Variants in IMPG2 observed in about 807,000 individuals in gnomAD.
IMPG2 encodes IPM 200.
In IMPG2, 91 loss-of-function variants were observed where a neutral mutation model predicts 129.2. The observed-to-expected ratio is 0.70, with a 90% CI of 0.59 to 0.84. IMPG2 has a LOEUF of 0.84. Ranked by LOEUF, IMPG2 falls within the 40% of genes least tolerant of loss-of-function variation. The probability of loss-of-function intolerance (pLI) is 0.00; values close to 1 mark genes in which losing one functional copy is unlikely to be tolerated. For synonymous variants in IMPG2, 510 were observed against 517.7 expected (o/e 0.99, Z 0.20); for missense variants, 1,430 against 1,461.7 (o/e 0.98, Z 0.35).
At chr3:101,240,539 T>A (rs993961153) in intron 14 of IMPG2, among the ~76,000 whole-genome samples, 1 of 152,202 alleles carries the variant, frequency 6.6e-6, no homozygotes, top group Admixed American at 6.5e-5. Context: ...CTTAGAATAG[T>A]CTCATAAAAT....
chr3:101,302,888 T>C (rs1707153055), intron 3 of IMPG2, among the ~76,000 whole-genome samples: 1 of 152,166 alleles, frequency 6.6e-6, no homozygotes, highest in South Asian at 2.1e-4. Context: ...TTGTCTTTGG[T>C]CCACCCACGT....
rs768016573 is a variant in IMPG2 at position 101,243,700 on chromosome 3, C to A, written c.2631G>T (p.Met877Ile). 6.2e-7 allele frequency: 1 copy of A among 1,613,988 alleles called. No homozygotes were observed. The highest frequency in any genetic ancestry group is 8.5e-7 in the Non-Finnish European group (1 of 1,180,008). Residue 877 changes from methionine (M) to isoleucine (I), a missense_variant, in exon 13 of 19, where the codon ATG becomes ATT. Transcript: ENST00000193391. ...EMSTSVHSTE[M>I]VSVAWPTEGG... The stretch of plus-strand genomic sequence containing the variant: ...CTTCTGTGGGCCAAGCCACACTAAC[C>A]ATCTCTGTGGAGTGAACACTTGTTG...
At chr3:101,276,320 G>A (rs114337613) in intron 5 of IMPG2, among the ~76,000 whole-genome samples, 1,894 of 152,144 alleles carry the variant, frequency 0.012, 43 homozygotes, top group African/African-American at 0.043. Flanking sequence ...ACCTCTCATG[G>A]GACGAATGAC....
chr3:101,306,408 A>C (rs764351419), intron 2 of IMPG2, among the ~76,000 whole-genome samples: 3 of 152,208 alleles, frequency 2.0e-5, no homozygotes, highest in Non-Finnish European at 4.4e-5. Context: ...TTTGTCTTTT[A>C]GTGAACTACC....
At chr3:101,279,637 G>C (rs931599597) in intron 4 of IMPG2, among the ~76,000 whole-genome samples, 8 of 152,166 alleles carry the variant, frequency 5.3e-5, no homozygotes, top group Non-Finnish European at 1.0e-4. Context: ...ACAGCAACTC[G>C]AATAGGATGT....
rs371611480 is a variant in IMPG2 at position 101,242,777 on chromosome 3, G to A, written c.2933C>T (p.Ala978Val). Residue 978 changes from alanine to valine, a missense_variant, in exon 14 of 19, where the codon GCG (alanine) becomes GTG (valine). Transcript: ENST00000193391. ...AAAGTCTTCCAGAATCATGTACACCGCATTGTTGACGTTAGGAGGGACAGA... is the reference window on the plus strand; with the variant it reads ...AAAGTCTTCCAGAATCATGTACACCACATTGTTGACGTTAGGAGGGACAGA... ...ANSVPPNVNN[A>V]VYMILEDFCT... 307 of 1,613,806 alleles carry A rather than the reference G, an allele frequency of 1.9e-4. 2 individuals are homozygous for A. Among genetic ancestry groups the A allele is most frequent in the Admixed American group, 1.1e-3 (67 of 59,996 alleles).
chr3:101,242,672 C>T lies in IMPG2; in HGVS notation c.3022+16G>A. ...TGGATTCTACTAAGAAACCACCATG[C>T]TAGGCAATATCATACCTGATTCCAC... On this transcript the variant is annotated intron_variant, in intron 14 of 18. Coordinates refer to ENST00000193391, the MANE Select transcript of IMPG2 (RefSeq NM_016247.4). 4.5e-6 allele frequency: 7 copies of T among 1,561,474 alleles called. No individual in the cohort carries two copies. Among genetic ancestry groups the T allele is most frequent in the Non-Finnish European group, 6.2e-6 (7 of 1,132,330 alleles).
rs1267242231 is a variant in IMPG2, at chr3:101,257,783, G to C, written c.909-10C>G. On this transcript the variant is annotated splice_polypyrimidine_tract_variant and intron_variant, in intron 9 of 18. Coordinates refer to ENST00000193391, the MANE Select transcript of IMPG2 (RefSeq NM_016247.4). ...GTAAACATCTACGCCACTATGGATGGAAAGAGAGAACAGGTTAGGTTCAGC... is the reference window on the plus strand; with the variant it reads ...GTAAACATCTACGCCACTATGGATGCAAAGAGAGAACAGGTTAGGTTCAGC... 1 of 1,612,768 alleles carries C rather than the reference G, an allele frequency of 6.2e-7. No individual in the cohort carries two copies. Among genetic ancestry groups the C allele is most frequent in the Non-Finnish European group, 8.5e-7 (1 of 1,179,156 alleles).
At chr3:101,264,794 A>T (rs1306136309) in intron 9 of IMPG2, among the ~76,000 whole-genome samples, 8 of 152,122 alleles carry the variant, frequency 5.3e-5, no homozygotes, top group Non-Finnish European at 1.2e-4. Context: ...TTACACGGAG[A>T]AAAACCCAAA....
chr3:101,235,604 T>C (rs1706337037), intron 14 of IMPG2, among the ~76,000 whole-genome samples: 1 of 152,202 alleles, frequency 6.6e-6, no homozygotes, highest in Non-Finnish European at 1.5e-5. Flanking sequence ...AATATTTTAA[T>C]AATGTAAATA....
rs1706688689 is a variant in IMPG2, at chr3:101,263,200, C to T, written c.908+4311G>A. On this transcript the variant is annotated intron_variant, in intron 9 of 18. Transcript: ENST00000193391. ...TTAAACTGCACCACAGACTAAGTGG[C>T]CCTCACAGATATTTACAGAACATTT... Among the ~76,000 whole-genome samples the T allele has an allele frequency of 2.0e-5, 3 of 151,952 alleles. No homozygotes were observed. In the South Asian group the frequency reaches 6.2e-4, roughly 31 times the overall value.
chr3:101,269,379 T>G (rs1022713724), intron 8 of IMPG2, 136 bp downstream of exon 8: 1 of 613,094 alleles, frequency 1.6e-6, no homozygotes, highest in African/African-American at 1.9e-5. Flanking sequence ...TCAAGAATAC[T>G]AATTTACCAG....
chr3:101,249,794 CAAA>C (rs11393591), intron 11 of IMPG2, among the ~76,000 whole-genome samples: 7 of 92,774 alleles, frequency 7.5e-5, no homozygotes, highest in Admixed American at 1.2e-4. Context: ...TGATTCATGT[CAAA>C]AAAAAAAAAA....
Position 101,273,563 on chromosome 3 carries a change from T to TG in IMPG2, c.828+17_828+18insC, listed in dbSNP as rs199824990. ...TAGCAGGCATACTGCCTTGTTTGTT[T>TG]TTTTTTTAATCACCCACCTCTGAAA... On this transcript the variant is annotated intron_variant, in intron 7 of 18. Transcript: ENST00000193391. 2.4e-3 allele frequency: 3,933 copies of TG among 1,613,062 alleles called. 88 individuals are homozygous for TG. The African/African-American group carries it at 0.045, about 19-fold the overall frequency.
chr3:101,303,677 G>T (rs368532814), intron 3 of IMPG2, among the ~76,000 whole-genome samples: 1 of 152,138 alleles, frequency 6.6e-6, no homozygotes, highest in African/African-American at 2.4e-5. Context: ...AAACAAGTGA[G>T]CACACTCATT....
chr3:101,251,953 C>T (rs1706548966), intron 11 of IMPG2, among the ~76,000 whole-genome samples: 1 of 152,086 alleles, frequency 6.6e-6, no homozygotes, highest in African/African-American at 2.4e-5. Flanking sequence ...TTAATCATTC[C>T]TTGTTTTCAT....
chr3:101,234,690 C>T (rs1488981647), intron 14 of IMPG2, among the ~76,000 whole-genome samples: 1 of 152,162 alleles, frequency 6.6e-6, no homozygotes, highest in African/African-American at 2.4e-5. Context: ...TAATCTGATC[C>T]TTACCCAGCA....
Position 101,253,764 on chromosome 3 carries a change from G to A in IMPG2, c.1171C>T (p.His391Tyr). The A allele has an allele frequency of 1.2e-6, 2 of 1,610,422 alleles. No individual in the cohort carries two copies. ...TTCCAAACTAGATCTTCAGTTTGGT[G>A]ACGCAAAACTCCTCTCACTGAGGAA... ...QLINVRGVLR[H>Y]QTEDLVWNTQ... is the part of the protein sequence containing the mutation. Residue 391 changes from histidine (H) to tyrosine (Y), a missense_variant, in exon 11 of 19, where the codon CAC becomes TAC. Physicochemically the swap from His to Tyr is moderately conservative, Grantham distance 83. Coordinates refer to ENST00000193391, the MANE Select transcript of IMPG2 (RefSeq NM_016247.4).
At chr3:101,248,507 C>T (rs928737138) in intron 11 of IMPG2, among the ~76,000 whole-genome samples, 2 of 152,156 alleles carry the variant, frequency 1.3e-5, no homozygotes, top group African/African-American at 2.4e-5. Context: ...CTTCACAGTG[C>T]CCCTTGTCTC....
Sources: gnomAD v4.1 joint callset for allele counts (sites outside exome capture counted in the v4.1 genomes callset) on GRCh38, gnomAD v4.1.1 for gene constraint, MANE v1.5 for transcripts, NCBI Gene and HGNC (gene_info 2026-07-23, HGNC 2026-07-21) for gene names.